Variants in GPC3 observed in about 807,000 individuals in gnomAD.
GPC3 encodes glypican-3.
In GPC3, 3 loss-of-function variants were observed where a neutral mutation model predicts 34.4. The ratio of observed to expected loss-of-function variants is 0.09; its 90% CI spans 0.04 to 0.23. The LOEUF is 0.23. Ranked by LOEUF, GPC3 falls within the 10% of genes least tolerant of loss-of-function variation. The pLI is 1.00. For missense variants in GPC3, 351 were observed against 445.6 expected, an observed-to-expected ratio of 0.79 and a Z score of 1.91; for synonymous variants, 177 against 174.0, an observed-to-expected ratio of 1.02 and a Z score of -0.13.
intron 7 of GPC3, among the ~76,000 whole-genome samples, chrX:133,547,607 GA>G (rs1462602231): frequency 9.0e-6 from 1 of 111,606 alleles, no homozygotes; most frequent in Non-Finnish European, 1.9e-5. Context: ...TGGGAATGGG[GA>G]AGAGGGTAAT....
At chrX:133,547,807 C>T (rs1329279092) in intron 7 of GPC3, among the ~76,000 whole-genome samples, 1 of 110,469 alleles carries the variant, frequency 9.1e-6, no homozygotes. Context: ...GACTAAGATG[C>T]ACATCACCAC....
In GPC3 at chrX:133,753,608, G is replaced by A. The variant is rs747860984; in HGVS notation, c.906C>T (p.Ser302=). 8.3e-7 allele frequency: 1 copy of A among 1,209,345 alleles called. No homozygotes were observed. The highest frequency in any genetic ancestry group is 1.1e-6 in the Non-Finnish European group (1 of 893,385). The change falls in exon 3 of 8, where the codon TCC becomes TCT. Residue 302 remains serine, a synonymous_variant. Transcript: ENST00000370818. The part of the protein sequence containing the change: ...IDKYWREYIL[S]LEELVNGMYR... ...ACATGCCATTCACAAGTTCTTCAAG[G>A]GACAGAATGTATTCTCTCCAGTACT...
chrX:133,559,417 T>C (rs2079460099), intron 7 of GPC3, among the ~76,000 whole-genome samples: 1 of 111,296 alleles, frequency 9.0e-6, no homozygotes, highest in Non-Finnish European at 1.9e-5. Context: ...GGTGCCATAG[T>C]GGGTACGGAG....
At chrX:133,850,225 C>T (rs1362038338) in intron 2 of GPC3, among the ~76,000 whole-genome samples, 1 of 77,885 alleles carries the variant, frequency 1.3e-5, no homozygotes, top group Non-Finnish European at 2.2e-5. Context: ...GTAAATAAAG[C>T]TAGCTGAGCT....
At chrX:133,966,121 C>T (rs941175917) in intron 1 of GPC3, among the ~76,000 whole-genome samples, 1 of 112,012 alleles carries the variant, frequency 8.9e-6, no homozygotes, top group South Asian at 3.8e-4. Context: ...ATATTGTCTC[C>T]GTTGTTGGCC....
intron 2 of GPC3, among the ~76,000 whole-genome samples, chrX:133,806,743 G>A (rs1332761441): frequency 2.7e-5 from 3 of 109,957 alleles, no homozygotes; most frequent in Non-Finnish European, 5.7e-5. Context: ...CCGCCTCCCG[G>A]GTTCATGTCA....
intron 6 of GPC3, among the ~76,000 whole-genome samples, chrX:133,635,428 G>A (rs1309274795): frequency 1.8e-5 from 2 of 111,535 alleles, no homozygotes; most frequent in Non-Finnish European, 3.8e-5. Context: ...ATGTGACAAA[G>A]TAGGGAAGTC....
intron 3 of GPC3, among the ~76,000 whole-genome samples, chrX:133,700,791 G>A (rs1267568652): frequency 1.8e-5 from 2 of 110,976 alleles, no homozygotes; most frequent in African/African-American, 3.3e-5. Context: ...TGGGAGGATC[G>A]TTTGAGCCTG....
At chrX:133,680,230 T>C (rs765807096) in intron 5 of GPC3, among the ~76,000 whole-genome samples, 1 of 111,910 alleles carries the variant, frequency 8.9e-6, no homozygotes, top group Non-Finnish European at 1.9e-5. Context: ...CTTTTCAGCA[T>C]GAGTTCTTAC....
At chrX:133,605,679 G>A (rs887200965) in intron 6 of GPC3, among the ~76,000 whole-genome samples, 3 of 112,084 alleles carry the variant, frequency 2.7e-5, no homozygotes, top group Non-Finnish European at 5.6e-5. Context: ...TCTTGAAGAG[G>A]AAAAGAGGAG....
In GPC3 at chrX:133,719,824, A is replaced by G. The variant is rs188369621; in HGVS notation, c.1033-19796T>C. On this transcript the variant is annotated intron_variant, in intron 3 of 7. Coordinates refer to ENST00000370818, the MANE Select transcript of GPC3 (RefSeq NM_004484.4). ...TATTTGCAAACTCTGCATTCAACAA[A>G]GGACTAACATCCAGAATCTACAAGG... Among the ~76,000 whole-genome samples the G allele has an allele frequency of 1.7e-4, 19 of 111,821 alleles. No homozygotes were observed. In the East Asian group the frequency reaches 5.0e-3, roughly 30 times the overall value.
intron 3 of GPC3, among the ~76,000 whole-genome samples, chrX:133,720,296 C>T (rs1345847686): frequency 8.9e-6 from 1 of 112,271 alleles, no homozygotes; most frequent in East Asian, 2.8e-4. Flanking sequence ...GATATGGTTT[C>T]ACTGTGTCCC....
At chrX:133,846,639 T>C (rs1221029378) in intron 2 of GPC3, among the ~76,000 whole-genome samples, 1 of 111,837 alleles carries the variant, frequency 8.9e-6, no homozygotes, top group East Asian at 2.8e-4. Flanking sequence ...ACTCACTCAG[T>C]TCTGTAAAAC....
At chrX:133,904,571 C>G (rs777413240) in intron 2 of GPC3, among the ~76,000 whole-genome samples, 1 of 111,589 alleles carries the variant, frequency 9.0e-6, no homozygotes, top group Non-Finnish European at 1.9e-5. Context: ...AGGAAAGATT[C>G]CCAAAACCAA....
chrX:133,942,253 C>T, intron 2 of GPC3, among the ~76,000 whole-genome samples: 1 of 112,169 alleles, frequency 8.9e-6, no homozygotes, highest in Admixed American at 9.5e-5. Flanking sequence ...TTAAAAACTG[C>T]ATAGTCTCTG....
At chrX:133,910,228 TG>T (rs2076191448) in intron 2 of GPC3, among the ~76,000 whole-genome samples, 1 of 111,131 alleles carries the variant, frequency 9.0e-6, no homozygotes, top group Non-Finnish European at 1.9e-5. Flanking sequence ...CATGTCTGTC[TG>T]TTTTGCACAT....
chrX:133,600,861 CT>C (rs1275533348), intron 6 of GPC3, among the ~76,000 whole-genome samples: 1 of 112,213 alleles, frequency 8.9e-6, no homozygotes, highest in Non-Finnish European at 1.9e-5. Flanking sequence ...AAGCAGGTAA[CT>C]TTAGGGGCCT....
intron 2 of GPC3, among the ~76,000 whole-genome samples, chrX:133,842,604 G>T (rs1317448069): frequency 9.1e-6 from 1 of 109,914 alleles, no homozygotes; most frequent in Non-Finnish European, 1.9e-5. Context: ...CCATGAAAGT[G>T]ATAGACAAAA....
At position 133,909,374 on chromosome X, in the gene GPC3, G is replaced by C. The variant is rs780789414; in HGVS notation, c.337+43676C>G. Among the ~76,000 whole-genome samples, 5 of 112,015 alleles carry C rather than the reference G, an allele frequency of 4.5e-5. No homozygotes were observed. The East Asian group carries it at 1.4e-3, about 31-fold the overall frequency. On this transcript the variant is annotated intron_variant, in intron 2 of 7. Coordinates refer to ENST00000370818, the MANE Select transcript of GPC3 (RefSeq NM_004484.4). ...TTATATTTGACATTCTGGCATGGTT[G>C]TTCTGATTCAGCCATCATGATGCAG...
Sources: allele counts gnomAD v4.1 joint callset (sites outside exome capture counted in the v4.1 genomes callset), GRCh38; gene constraint gnomAD v4.1.1; transcripts MANE v1.5; gene names NCBI Gene and HGNC (gene_info 2026-07-23, HGNC 2026-07-21).